SEMA3F: variants seen among roughly 807,000 people sequenced by gnomAD.
The protein encoded by SEMA3F is semaphorin 3F.
In SEMA3F, 30 loss-of-function variants were observed where a neutral mutation model predicts 98.5. That is an observed-to-expected ratio of 0.30 (90% CI 0.23 to 0.41). The LOEUF (loss-of-function observed/expected upper bound fraction) is 0.41, where lower values mean the gene tolerates loss of function less well. SEMA3F is among the 10% of genes least tolerant of loss of function. The pLI is 1.00. For missense variants in SEMA3F, 866 were observed against 1,119.3 expected (o/e 0.77, Z 3.23); for synonymous variants, 380 against 444.8 (o/e 0.85, Z 1.83).
chr3:50,185,107 G>A (rs974790344), intron 13 of SEMA3F, among the ~76,000 whole-genome samples: 2 of 152,142 alleles, frequency 1.3e-5, no homozygotes, highest in African/African-American at 4.8e-5. Flanking sequence ...GCACCTCCAG[G>A]ATACAGAGGC....
Position 50,188,825 on chromosome 3 carries a change from G to A in SEMA3F, c.*710G>A, listed in dbSNP as rs1436845738. On this transcript the variant is annotated 3_prime_UTR_variant, in exon 19 of 19. Transcript: ENST00000002829. The surrounding 1 kb of genome is among the most constrained non-coding windows in gnomAD (Gnocchi z 4.5). The stretch of plus-strand genomic sequence containing the variant: ...ACTCAGAGGCTGGGAGCATAGCAGA[G>A]GGGCCAGGCCCAGGCAGAGCTGACG... The A allele has an allele frequency of 6.5e-6, 1 of 152,720 alleles. No homozygotes were observed. The highest frequency in any genetic ancestry group is 1.5e-5 in the Non-Finnish European group (1 of 68,138). 9.5% of individuals were successfully genotyped at this position (152,720 alleles called of 1,614,324 possible).
At position 50,182,651 on chromosome 3, in the gene SEMA3F, G is replaced by A. The variant is rs979442850; in HGVS notation, c.771G>A (p.Ser257=). The A allele has an allele frequency of 8.1e-6, 13 of 1,611,654 alleles. No individual in the cohort carries two copies. The highest frequency in any genetic ancestry group is 1.6e-4 in the Middle Eastern group (1 of 6,078). Residue 257 remains serine (S), a synonymous_variant, in exon 9 of 19, where the codon TCG becomes TCA. Coordinates refer to ENST00000002829, the MANE Select transcript of SEMA3F (RefSeq NM_004186.5). This position sits in a 1 kb window ranked among gnomAD's most constrained non-coding sequence, Gnocchi z 4.5. The part of the protein sequence containing the change: ...QYNSRWLNDP[S]FIHAELIPDS... Reference sequence around the variant, plus strand: ...GACCCCTGCCACCTGCAGACCCGTCGTTCATCCATGCTGAGCTCATTCCTG... The same window carrying A: ...GACCCCTGCCACCTGCAGACCCGTCATTCATCCATGCTGAGCTCATTCCTG...
At chr3:50,186,140 G>T in intron 16 of SEMA3F, 94 bp downstream of exon 16, 1 of 1,475,366 alleles carries the variant, frequency 6.8e-7, no homozygotes. Flanking sequence ...CGGGGTGCAT[G>T]TGATATTACC....
chr3:50,159,630 T>C lies in SEMA3F; in HGVS notation c.8T>C (p.Val3Ala). Residue 3 changes from valine (V) to alanine (A), a missense_variant, in exon 2 of 19, where the codon GTC (valine) becomes GCC (alanine). Val to Ala is a moderately conservative substitution (Grantham distance 64, BLOSUM62 0). Transcript: ENST00000002829. ...CCCTAGGCCCCTCCCACAATGCTTG[T>C]CGCCGGTCTTCTTCTCTGGGCTTCC... ML[V>A]AGLLLWASLL... is the part of the protein sequence containing the mutation. 1 of 1,607,278 alleles carries C rather than the reference T, an allele frequency of 6.2e-7. No homozygotes were observed. The highest frequency in any genetic ancestry group is 2.3e-5 in the East Asian group (1 of 44,238).
At chr3:50,169,897 G>A (rs374500491) in intron 2 of SEMA3F, among the ~76,000 whole-genome samples, 4 of 152,188 alleles carry the variant, frequency 2.6e-5, no homozygotes, top group East Asian at 3.9e-4. Context: ...CTGATGGCAG[G>A]TTTTGGAGGA....
rs887241752 is a variant in SEMA3F at position 50,156,961 on chromosome 3, G to T, written c.-49+1397G>T. Among the ~76,000 whole-genome samples, 22 of 152,048 alleles carry T rather than the reference G, an allele frequency of 1.4e-4. No homozygotes were observed. The highest frequency in any genetic ancestry group is 5.3e-4 in the African/African-American group (22 of 41,388). ...CTTCCTGGTCCTTGAGGTGTTGGGG[G>T]ATGGGGAAGCTGAGGAGCCAAGAAG... On this transcript the variant is annotated intron_variant, in intron 1 of 18. Coordinates refer to ENST00000002829, the MANE Select transcript of SEMA3F (RefSeq NM_004186.5). This position sits in a 1 kb window ranked among gnomAD's most constrained non-coding sequence, Gnocchi z 4.5.
rs754547097 is a variant in SEMA3F, at chr3:50,182,452, G to A, written c.763+49G>A. The A allele has an allele frequency of 1.2e-6, 2 of 1,609,036 alleles. No homozygotes were observed. The highest frequency in any genetic ancestry group is 1.7e-5 in the Admixed American group (1 of 60,016). On this transcript the variant is annotated intron_variant, in intron 8 of 18. Coordinates refer to ENST00000002829, the MANE Select transcript of SEMA3F (RefSeq NM_004186.5). The surrounding 1 kb of genome is among the most constrained non-coding windows in gnomAD (Gnocchi z 4.5). ...TCCGTGGCCATGTGTCTGGGATGCG[G>A]CAAGGAGGTCGTAAAGAAGCACATG...
intron 2 of SEMA3F, among the ~76,000 whole-genome samples, chr3:50,167,915 A>T (rs998160727): frequency 6.6e-6 from 1 of 152,166 alleles, no homozygotes. Context: ...TGGCAGCTCT[A>T]GGTGGTGAAA....
intron 2 of SEMA3F, 152 bp from the exon 3 acceptor site, chr3:50,173,641 C>T (rs1305279511): frequency 7.6e-6 from 5 of 657,468 alleles, no homozygotes; most frequent in Non-Finnish European, 1.3e-5. Flanking sequence ...GACTTGATCT[C>T]GTAAAAAGAA....
At position 50,185,677 on chromosome 3, in the gene SEMA3F, C is replaced by T. The variant is rs1270013617; in HGVS notation, c.1557C>T (p.Pro519=). 6.2e-6 allele frequency: 10 copies of T among 1,614,052 alleles called. No individual in the cohort carries two copies. Among genetic ancestry groups the T allele is most frequent in the African/African-American group, 2.7e-5 (2 of 74,936 alleles). Residue 519 remains proline (P), a synonymous_variant, in exon 15 of 19, where the codon CCC becomes CCT. Transcript: ENST00000002829. ...TTATCTTTTTCTAGGATCCAGCACC[C>T]GTCAAGACCATGACCATCTCTTCTA... ...EEVEVFKDPA[P]VKTMTISSKR...
rs762166157 is a variant in SEMA3F at position 50,186,276 on chromosome 3, T to C, written c.1746-5T>C. 6.2e-7 allele frequency: 1 copy of C among 1,613,384 alleles called. No homozygotes were observed. Among genetic ancestry groups the C allele is most frequent in the South Asian group, 1.1e-5 (1 of 91,028 alleles). ...AGCACTCCTTCAGGGGCTATCCTCA[T>C]CCAGGCGGAGCCGCCGGCAGGACGT... is the stretch of plus-strand genomic sequence containing the variant. On this transcript the variant is annotated splice_polypyrimidine_tract_variant and splice_region_variant and intron_variant, in intron 16 of 18. Transcript: ENST00000002829.
intron 7 of SEMA3F, among the ~76,000 whole-genome samples, chr3:50,179,307 G>A (rs957549277): frequency 2.6e-5 from 4 of 151,546 alleles, no homozygotes; most frequent in Admixed American, 2.6e-4. Context: ...GTTCTTCCAC[G>A]AGAAGGCTGT....
chr3:50,176,004 T>G (rs1162194888), intron 6 of SEMA3F, among the ~76,000 whole-genome samples: 2 of 152,074 alleles, frequency 1.3e-5, no homozygotes, highest in African/African-American at 4.8e-5. Flanking sequence ...CTTGCCCCTT[T>G]CCTTCCCTCT....
chr3:50,186,674 G>A lies in SEMA3F; in HGVS notation c.1875G>A (p.Glu625=), dbSNP rs1382631772. 1.2e-6 allele frequency: 2 copies of A among 1,611,212 alleles called. No homozygotes were observed. The highest frequency in any genetic ancestry group is 2.2e-5 in the East Asian group (1 of 44,770). ...TGGCCGGCAGCGCAGCCTTCCTTGA[G>A]TGCCAGCCCCGCTCGCCCCAAGCCA... ...YGVAGSAAFL[E]CQPRSPQATV... Residue 625 remains glutamate, a synonymous_variant, in exon 18 of 19, where the codon GAG becomes GAA. Transcript: ENST00000002829.
chr3:50,161,593 T>G (rs1034364906), intron 2 of SEMA3F, among the ~76,000 whole-genome samples: 1 of 152,236 alleles, frequency 6.6e-6, no homozygotes, highest in Non-Finnish European at 1.5e-5. Flanking sequence ...CCTGTGCCTT[T>G]GCACAGGCAG....
chr3:50,175,323 C>A, intron 6 of SEMA3F, 135 bp downstream of exon 6: 1 of 650,656 alleles, frequency 1.5e-6, no homozygotes, highest in Non-Finnish European at 2.8e-6. Flanking sequence ...CCACCCCTTC[C>A]CCTGAAGAGC....
At chr3:50,164,700 C>T (rs1032621682) in intron 2 of SEMA3F, among the ~76,000 whole-genome samples, 5 of 152,240 alleles carry the variant, frequency 3.3e-5, no homozygotes, top group African/African-American at 1.2e-4. Context: ...GGCTTAGCCT[C>T]TCTGAGCCCT....
intron 2 of SEMA3F, among the ~76,000 whole-genome samples, chr3:50,162,803 C>A (rs1489635531): frequency 6.6e-6 from 1 of 152,176 alleles, no homozygotes; most frequent in Non-Finnish European, 1.5e-5. Context: ...TAGAAGGACC[C>A]TGTGATGACA....
Position 50,188,062 on chromosome 3 carries a change from C to G in SEMA3F, c.2305C>G (p.Pro769Ala). 2 of 1,571,552 alleles carry G rather than the reference C, an allele frequency of 1.3e-6. No homozygotes were observed. The highest frequency in any genetic ancestry group is 1.7e-6 in the Non-Finnish European group (2 of 1,158,206). Reference sequence around the variant, plus strand: ...TCCAGGGGCACCCCGGTCTCCTGAGCCCCAGGACCAGAAAAAGCCCCGGAA... The same window carrying G: ...TCCAGGGGCACCCCGGTCTCCTGAGGCCCAGGACCAGAAAAAGCCCCGGAA... The part of the protein sequence containing the change: ...EAPGAPRSPE[P>A]QDQKKPRNRR... The change falls in exon 19 of 19, where the codon CCC becomes GCC. Residue 769 changes from proline (P) to alanine (A), a missense_variant. By Grantham distance (27) the Pro-to-Ala change is conservative. Coordinates refer to ENST00000002829, the MANE Select transcript of SEMA3F (RefSeq NM_004186.5). This position sits in a 1 kb window ranked among gnomAD's most constrained non-coding sequence, Gnocchi z 4.5.
Sources: gnomAD v4.1 joint callset for allele counts (sites outside exome capture counted in the v4.1 genomes callset) on GRCh38, gnomAD v4.1.1 for gene constraint, Gnocchi (gnomAD v3.1) non-coding constraint, MANE v1.5 for transcripts, NCBI Gene and HGNC (gene_info 2026-07-23, HGNC 2026-07-21) for gene names.